DAPK1: variants seen among roughly 807,000 people sequenced by gnomAD.
The protein encoded by DAPK1 is death associated protein kinase 1.
A neutral mutation model predicts 144.9 loss-of-function variants in DAPK1; 56 were observed. The ratio of observed to expected loss-of-function variants is 0.39; its 90% CI spans 0.31 to 0.48. The LOEUF (loss-of-function observed/expected upper bound fraction) is 0.48, where lower values mean the gene tolerates loss of function less well. Ranked by LOEUF, DAPK1 falls within the 20% of genes least tolerant of loss-of-function variation. DAPK1 has a pLI of 0.95. For missense variants in DAPK1, 1,454 were observed against 1,875.4 expected, an observed-to-expected ratio of 0.78 and a Z score of 4.15; for synonymous variants, 690 against 749.0, an observed-to-expected ratio of 0.92 and a Z score of 1.29.
intron 21 of DAPK1, among the ~76,000 whole-genome samples, chr9:87,696,673 C>T (rs1471986752): frequency 6.6e-6 from 1 of 152,184 alleles, no homozygotes; most frequent in East Asian, 1.9e-4. Context: ...AATCCATTCC[C>T]ATGAGAACTA....
chr9:87,581,023 A>G (rs1310503027), intron 2 of DAPK1, among the ~76,000 whole-genome samples: 1 of 152,220 alleles, frequency 6.6e-6, no homozygotes, highest in Non-Finnish European at 1.5e-5. Flanking sequence ...GAGTTAGCAG[A>G]ATGAACGCGT....
chr9:87,671,260 C>T (rs1824135219), intron 19 of DAPK1, among the ~76,000 whole-genome samples: 1 of 152,096 alleles, frequency 6.6e-6, no homozygotes, highest in Non-Finnish European at 1.5e-5. Flanking sequence ...CACCCTGTCT[C>T]AGTTTGGGAT....
rs772135208 is a variant in DAPK1 at position 87,703,153 on chromosome 9, T to C, written c.2996T>C (p.Leu999Pro). Residue 999 changes from leucine (L) to proline (P), a missense_variant, in exon 25 of 26, where the codon CTG (leucine) becomes CCG (proline). Leu to Pro is a moderately conservative substitution (Grantham distance 98). This residue lies in a region of DAPK1 where 1,025 missense variants were observed against 1,237.9 expected (regional missense o/e 0.83). Coordinates refer to ENST00000408954, the MANE Select transcript of DAPK1 (RefSeq NM_004938.4). ...QQFVYDVQDQ[L>P]NPLASEEDLR... ...TTTGTGTACGACGTGCAGGACCAGC[T>C]GAACCCCCTGGCCAGCGAGGAGGAC... 2 of 1,612,066 alleles carry C rather than the reference T, an allele frequency of 1.2e-6. No individual in the cohort carries two copies. Among genetic ancestry groups the C allele is most frequent in the South Asian group, 1.1e-5 (1 of 91,058 alleles).
At chr9:87,517,129 A>G (rs950725434) in intron 2 of DAPK1, among the ~76,000 whole-genome samples, 1 of 151,964 alleles carries the variant, frequency 6.6e-6, no homozygotes, top group Non-Finnish European at 1.5e-5. Flanking sequence ...TGTGTAGGAG[A>G]GTGAAGAATG....
chr9:87,637,372 G>A (rs1829937487), intron 3 of DAPK1, among the ~76,000 whole-genome samples: 1 of 152,198 alleles, frequency 6.6e-6, no homozygotes, highest in Admixed American at 6.5e-5. Flanking sequence ...GATTACAGGT[G>A]TGAGCCATTG....
chr9:87,497,994 C>T lies in DAPK1; in HGVS notation c.-222C>T, dbSNP rs377011195. On this transcript the variant is annotated 5_prime_UTR_variant, in exon 1 of 26. Coordinates refer to ENST00000408954, the MANE Select transcript of DAPK1 (RefSeq NM_004938.4). Reference sequence around the variant, plus strand: ...GCGCCTGGGAGGGATCTGCGCCCCCCACTCACTCCCTAGCTGTGTTCCCGC... The same window carrying T: ...GCGCCTGGGAGGGATCTGCGCCCCCTACTCACTCCCTAGCTGTGTTCCCGC... 7.5e-6 allele frequency: 3 copies of T among 397,484 alleles called. No homozygotes were observed. Among genetic ancestry groups the T allele is most frequent in the East Asian group, 3.6e-5 (1 of 28,012 alleles). 24.6% of individuals were successfully genotyped at this position (397,484 alleles called of 1,614,324 possible).
At chr9:87,539,610 G>T (rs900297817) in intron 2 of DAPK1, among the ~76,000 whole-genome samples, 1 of 151,816 alleles carries the variant, frequency 6.6e-6, no homozygotes, top group Non-Finnish European at 1.5e-5. Context: ...TAGAGACGGG[G>T]TTTAACCGTG....
chr9:87,604,171 A>AG (rs942975329), intron 2 of DAPK1, among the ~76,000 whole-genome samples: 22 of 151,328 alleles, frequency 1.5e-4, no homozygotes, highest in South Asian at 2.1e-4. Context: ...AGCGGCTTTG[A>AG]GGGGGGGGTT....
chr9:87,600,446 A>T (rs1343073926), intron 2 of DAPK1, among the ~76,000 whole-genome samples: 1 of 152,130 alleles, frequency 6.6e-6, no homozygotes, highest in Admixed American at 6.5e-5. Context: ...AAAGAAAATT[A>T]GCTGGGTGTG....
chr9:87,497,740 C>T (rs565303904), upstream of DAPK1: 4 of 288,832 alleles, frequency 1.4e-5, no homozygotes, highest in East Asian at 6.0e-5. Flanking sequence ...CCGCGCAGAA[C>T]CCGCAGCGCC....
intron 2 of DAPK1, among the ~76,000 whole-genome samples, chr9:87,517,790 G>C (rs1825119255): frequency 6.6e-6 from 1 of 152,154 alleles, no homozygotes; most frequent in South Asian, 2.1e-4. Context: ...CAGATAAAAT[G>C]GCTGTTTCCT....
chr9:87,515,904 G>A (rs755409329), intron 2 of DAPK1, among the ~76,000 whole-genome samples: 3 of 152,024 alleles, frequency 2.0e-5, no homozygotes, highest in African/African-American at 7.2e-5. Context: ...CCTGCAGGTC[G>A]GTCTTACCAG....
chr9:87,659,960 T>C (rs1587820664), intron 18 of DAPK1, among the ~76,000 whole-genome samples: 1 of 152,088 alleles, frequency 6.6e-6, no homozygotes, highest in East Asian at 1.9e-4. Flanking sequence ...AGCCGTCAAT[T>C]ACAGTCACTG....
intron 2 of DAPK1, among the ~76,000 whole-genome samples, chr9:87,557,357 C>T (rs1278967780): frequency 1.3e-5 from 2 of 152,296 alleles, no homozygotes; most frequent in Non-Finnish European, 2.9e-5. Flanking sequence ...GTTCTTTCTA[C>T]GTTTCACCCA....
rs930952190 is a variant in DAPK1, at chr9:87,633,221, A to G, written c.285-4722A>G. On this transcript the variant is annotated intron_variant, in intron 3 of 25. Transcript: ENST00000408954. ...TAGGGATGAAGGAGATTGAGTACAT[A>G]TGTAGGGATGAAGGAATATGAGTCC... 1.4e-5 allele frequency: 14 copies of G among 984,450 alleles called. No homozygotes were observed. The African/African-American group carries it at 1.9e-4, about 14-fold the overall frequency. 61.0% of individuals were successfully genotyped at this position (984,450 alleles called of 1,614,324 possible). A position where few individuals can be genotyped will look rare whatever the true frequency, so the allele number is the denominator to read the frequency against.
rs1159962355 is a variant in DAPK1, at chr9:87,707,365, G to C, written c.*1G>C. On this transcript the variant is annotated 3_prime_UTR_variant, in exon 26 of 26. Transcript: ENST00000408954. This position sits in a 1 kb window ranked among gnomAD's most constrained non-coding sequence, Gnocchi z 4.0. ...CATTAGCTCTGTTGTATCCCGGTGA[G>C]GGCAGCCTCTGGCTTGGGCAGGGTC... The C allele has an allele frequency of 6.3e-7, 1 of 1,589,602 alleles. No homozygotes were observed. Among genetic ancestry groups the C allele is most frequent in the South Asian group, 1.1e-5 (1 of 87,650 alleles).
At chr9:87,577,589 G>C (rs563217333) in intron 2 of DAPK1, among the ~76,000 whole-genome samples, 1 of 152,270 alleles carries the variant, frequency 6.6e-6, no homozygotes, top group East Asian at 1.9e-4. Context: ...CTTGAGGTCA[G>C]GAGTTCCAGA....
intron 2 of DAPK1, among the ~76,000 whole-genome samples, chr9:87,512,645 G>C (rs1824891488): frequency 6.6e-6 from 1 of 152,090 alleles, no homozygotes; most frequent in South Asian, 2.1e-4. Flanking sequence ...TGTGTGAGAG[G>C]CTGCTTTCTT....
At chr9:87,687,177 A>G (rs1824895660) in intron 21 of DAPK1, among the ~76,000 whole-genome samples, 1 of 152,166 alleles carries the variant, frequency 6.6e-6, no homozygotes, top group Non-Finnish European at 1.5e-5. Flanking sequence ...AATACAACGC[A>G]TTGTTAACTA....
Sources: gnomAD v4.1 joint callset for allele counts (sites outside exome capture counted in the v4.1 genomes callset) on GRCh38, gnomAD v4.1.1 for gene constraint, gnomAD v4.1.1 regional missense constraint, Gnocchi (gnomAD v3.1) non-coding constraint, MANE v1.5 for transcripts, NCBI Gene and HGNC (gene_info 2026-07-23, HGNC 2026-07-21) for gene names.